The following BLOC1S3 variants were observed in gnomAD, a reference collection of about 807,000 sequenced individuals.
BLOC1S3 encodes biogenesis of lysosomal organelles complex 1 subunit 3, also known as biogenesis of lysosome-related organelles complex 1 subunit 3.
BLOC1S3 carries 7 observed loss-of-function variants against 9.1 expected under a neutral mutation model. The ratio of observed to expected loss-of-function variants is 0.77; its 90% CI spans 0.44 to 1.45. BLOC1S3 has a LOEUF of 1.45. Ranked by LOEUF, BLOC1S3 falls within the 40% of genes most tolerant of loss-of-function variation. The probability of loss-of-function intolerance (pLI) is 0.01; values close to 1 mark genes in which losing one functional copy is unlikely to be tolerated. For synonymous variants in BLOC1S3, 145 were observed against 158.4 expected (o/e 0.92, Z 0.64); for missense variants, 307 against 315.2 (o/e 0.97, Z 0.20).
rs1033181691 is a variant in BLOC1S3 at position 45,200,386 on chromosome 19, G to A, written n.181-2020G>A. Among the ~76,000 whole-genome samples, 20 of 152,020 alleles carry A rather than the reference G, an allele frequency of 1.3e-4. No homozygotes were observed. The Middle Eastern group carries it at 0.014, about 103-fold the overall frequency. On this transcript the variant is annotated intron_variant and non_coding_transcript_variant, in intron 2 of 3. Transcript: ENST00000591569. The stretch of plus-strand genomic sequence containing the variant: ...TTTAGTAGAGATGGGGTTTCACCGT[G>A]TTAGCCAGGATGGTCTTGATCTCAT...
At position 45,180,060 on chromosome 19, in the gene BLOC1S3, T is replaced by TAA. The variant is rs570559399; in HGVS notation, c.*155_*156insAA. ...TAATCCGGTCCCCTTGGATAATGCT[T>TAA]TATATTGGATATAGTTCAACCCCTA... On this transcript the variant is annotated 3_prime_UTR_variant, in exon 2 of 2. Transcript: ENST00000433642. 720 of 786,748 alleles carry TAA rather than the reference T, an allele frequency of 9.2e-4. 4 individuals are homozygous for TAA. The African/African-American group carries it at 0.011, about 12-fold the overall frequency. 48.7% of individuals were successfully genotyped at this position (786,748 alleles called of 1,614,324 possible). A position where few individuals can be genotyped will look rare whatever the true frequency, so the allele number is the denominator to read the frequency against.
chr19:45,210,813 G>A (rs543745707), intron 3 of BLOC1S3, among the ~76,000 whole-genome samples: 2 of 152,292 alleles, frequency 1.3e-5, no homozygotes, highest in South Asian at 4.1e-4. Flanking sequence ...GACAAACTGA[G>A]GCTCTTATAT....
chr19:45,179,603 G>GC lies in BLOC1S3; in HGVS notation c.312dup (p.Ala105ArgfsTer40). On this transcript the variant is annotated frameshift_variant, in exon 2 of 2. Coordinates refer to ENST00000433642, the MANE Select transcript of BLOC1S3 (RefSeq NM_212550.5). LOFTEE classifies it high-confidence loss of function. The surrounding 1 kb of genome is among the most constrained non-coding windows in gnomAD (Gnocchi z 4.6). ...GGGCACGGAGGAGGCCCCGGCGCCC[G>GC]CCCCCGCGCGCTCGCTCCTGCAACT... The GC allele has an allele frequency of 6.8e-7, 1 of 1,473,378 alleles. No homozygotes were observed. Among genetic ancestry groups the GC allele is most frequent in the South Asian group, 1.3e-5 (1 of 77,434 alleles). 91.3% of individuals were successfully genotyped at this position (1,473,378 alleles called of 1,614,324 possible). A position where few individuals can be genotyped will look rare whatever the true frequency, so the allele number is the denominator to read the frequency against.
intron 3 of BLOC1S3, among the ~76,000 whole-genome samples, chr19:45,214,179 G>A (rs922896007): frequency 1.3e-5 from 2 of 152,134 alleles, no homozygotes; most frequent in Non-Finnish European, 2.9e-5. Flanking sequence ...CCAGGAATAT[G>A]TGCCTTCCCA....
chr19:45,203,653 A>G (rs1293007400), intron 3 of BLOC1S3, among the ~76,000 whole-genome samples: 1 of 152,124 alleles, frequency 6.6e-6, no homozygotes, highest in Non-Finnish European at 1.5e-5. Context: ...ACTAGAATAG[A>G]TGATTTCCCT....
chr19:45,199,742 C>T (rs1457366193), intron 2 of BLOC1S3, among the ~76,000 whole-genome samples: 1 of 151,600 alleles, frequency 6.6e-6, no homozygotes, highest in Non-Finnish European at 1.5e-5. Flanking sequence ...CTTCTCTTCT[C>T]TTCTCCTCCT....
chr19:45,197,416 G>T (rs1195228749), intron 2 of BLOC1S3, among the ~76,000 whole-genome samples: 2 of 150,792 alleles, frequency 1.3e-5, no homozygotes, highest in South Asian at 4.2e-4. Flanking sequence ...GAACCCGGGA[G>T]GTGGAGTTTG....
At chr19:45,190,953 C>T (rs1969602625) in intron 2 of BLOC1S3, among the ~76,000 whole-genome samples, 1 of 147,908 alleles carries the variant, frequency 6.8e-6, no homozygotes, top group East Asian at 2.0e-4. Flanking sequence ...CCACAGGCAC[C>T]CGACACCACG....
At chr19:45,215,816 T>G (rs915859926) in intron 3 of BLOC1S3, among the ~76,000 whole-genome samples, 6 of 152,162 alleles carry the variant, frequency 3.9e-5, no homozygotes, top group African/African-American at 1.4e-4. Flanking sequence ...CAGGCAGCCC[T>G]GCGCCCCCCT....
rs552563593 is a variant in BLOC1S3 at position 45,209,390 on chromosome 19, G to A, written n.282+6883G>A. On this transcript the variant is annotated intron_variant and non_coding_transcript_variant, in intron 3 of 3. Transcript: ENST00000591569. ...AATGTATTGTATACTTGAAAATTTC[G>A]AAGAGAGTAGTTCTATTTCTTTATT... is the stretch of plus-strand genomic sequence containing the variant. Among the ~76,000 whole-genome samples the A allele has an allele frequency of 2.0e-5, 3 of 151,946 alleles. No individual in the cohort carries two copies. The South Asian group carries it at 6.3e-4, about 32-fold the overall frequency.
intron 3 of BLOC1S3, among the ~76,000 whole-genome samples, chr19:45,205,630 T>C (rs597668): frequency 0.27 from 40,388 of 151,972 alleles, 6,417 homozygotes; most frequent in African/African-American, 0.42. Flanking sequence ...TAAGAGAAAA[T>C]CTTGATAAAT....
chr19:45,212,782 T>G, intron 3 of BLOC1S3: 2 of 326,080 alleles, frequency 6.1e-6, no homozygotes, highest in Non-Finnish European at 1.1e-5. Flanking sequence ...TTTGTAGAGA[T>G]AGGGGGCAGG....
downstream of BLOC1S3, among the ~76,000 whole-genome samples, chr19:45,182,034 G>T (rs1969527503): frequency 6.6e-6 from 1 of 152,180 alleles, no homozygotes; most frequent in Non-Finnish European, 1.5e-5. Flanking sequence ...ATAGCACCCA[G>T]TCCCTGCCCT....
At chr19:45,215,744 C>T (rs1301849365) in intron 3 of BLOC1S3, among the ~76,000 whole-genome samples, 7 of 152,106 alleles carry the variant, frequency 4.6e-5, no homozygotes, top group African/African-American at 1.2e-4. Flanking sequence ...CGTGTGCGCC[C>T]GTGTGCCCTG....
downstream of BLOC1S3, among the ~76,000 whole-genome samples, chr19:45,183,754 G>A (rs568694210): frequency 1.1e-4 from 17 of 150,456 alleles, no homozygotes; most frequent in Non-Finnish European, 2.2e-4. Flanking sequence ...AGCCTCCTGA[G>A]TAGCTGGGAT....
At chr19:45,182,773 C>T (rs1312612072), downstream of BLOC1S3, among the ~76,000 whole-genome samples, 2 of 152,132 alleles carry the variant, frequency 1.3e-5, no homozygotes, top group Non-Finnish European at 2.9e-5. Context: ...CTGTCTTGAC[C>T]TCCCAAAGGG....
intron 2 of BLOC1S3, chr19:45,199,085 T>C (rs949144602): frequency 6.6e-6 from 1 of 152,168 alleles, no homozygotes; most frequent in Non-Finnish European, 1.5e-5. Flanking sequence ...GGGAGTTTGA[T>C]TATTAAATGC....
In BLOC1S3 at chr19:45,210,046, A is replaced by AAAAAC. The variant is rs61681909; in HGVS notation, n.283-6610_283-6606dup. Among the ~76,000 whole-genome samples, 36 of 152,044 alleles carry AAAAAC rather than the reference A, an allele frequency of 2.4e-4. 1 individual carries two copies. The highest frequency in any genetic ancestry group is 6.2e-4 in the South Asian group (3 of 4,820). On this transcript the variant is annotated intron_variant and non_coding_transcript_variant, in intron 3 of 3. Coordinates refer to the BLOC1S3 transcript ENST00000591569. ...TTGTGCCTGGCCAGAACTCTGTCTC[A>AAAAAC]AAAACAAAACAAAACAAAACAAAAT...
intron 3 of BLOC1S3, among the ~76,000 whole-genome samples, chr19:45,204,020 T>G (rs1969709565): frequency 6.6e-6 from 1 of 152,096 alleles, no homozygotes; most frequent in South Asian, 2.1e-4. Flanking sequence ...GATTCTTTTT[T>G]TTTTGAGATG....
Sources: allele counts gnomAD v4.1 joint callset (sites outside exome capture counted in the v4.1 genomes callset), GRCh38; gene constraint gnomAD v4.1.1; non-coding constraint Gnocchi (gnomAD v3.1); transcripts MANE v1.5; gene names NCBI Gene and HGNC (gene_info 2026-07-23, HGNC 2026-07-21).